The following VAMP3 variants were observed in gnomAD, a reference collection of about 807,000 sequenced individuals.
VAMP3 encodes vesicle-associated membrane protein 3.
VAMP3 carries 11 observed loss-of-function variants against 18.1 expected under a neutral mutation model. The observed-to-expected ratio is 0.61, with a 90% CI of 0.38 to 1.00. VAMP3 has a LOEUF of 1.00. Among genes scored for constraint, VAMP3 ranks in the 50% least tolerant of loss-of-function variants. The pLI, the probability that VAMP3 is intolerant of heterozygous loss-of-function variation, is 0.01. For missense variants in VAMP3, 122 were observed against 127.3 expected (o/e 0.96, Z 0.20); for synonymous variants, 49 against 43.1 (o/e 1.14, Z -0.53).
In VAMP3 at chr1:7,773,494, C is replaced by A; in HGVS notation, c.55C>A (p.Gln19Lys). ...TGSNRRLQQT[Q>K]NQVDEVVDIM... is the part of the protein sequence containing the mutation. ...CAGTAATCGAAGACTTCAGCAGACA[C>A]AAAATCAAGTAGATGAGGTATTGCT... Residue 19 changes from glutamine to lysine, a missense_variant, in exon 2 of 5, where the codon CAA (glutamine) becomes AAA (lysine). By Grantham distance (53) the Gln-to-Lys change is moderately conservative (BLOSUM62 1). Transcript: ENST00000054666. 1 of 1,613,960 alleles carries A rather than the reference C, an allele frequency of 6.2e-7. No homozygotes were observed. Among genetic ancestry groups the A allele is most frequent in the South Asian group, 1.1e-5 (1 of 91,066 alleles).
chr1:7,771,319 C>T lies in VAMP3; in HGVS notation c.-65C>T, dbSNP rs1460435188. ...CCGTCCCACCCATCTCCCTGGCCTCCGGTCCCAACTTCGCTTCTCTGCTGA... is the reference window on the plus strand; with the variant it reads ...CCGTCCCACCCATCTCCCTGGCCTCTGGTCCCAACTTCGCTTCTCTGCTGA... On this transcript the variant is annotated 5_prime_UTR_variant, in exon 1 of 5. Transcript: ENST00000054666. 7.6e-6 allele frequency: 12 copies of T among 1,586,022 alleles called. No homozygotes were observed. Among genetic ancestry groups the T allele is most frequent in the African/African-American group, 2.7e-5 (2 of 72,928 alleles).
intron 3 of VAMP3, 143 bp downstream of exon 3, chr1:7,777,461 C>A: frequency 9.2e-7 from 1 of 1,082,546 alleles, no homozygotes; most frequent in Non-Finnish European, 1.3e-6. Context: ...ACTGTGAATC[C>A]GAAACACTGA....
chr1:7,775,639 G>A (rs11121021), intron 2 of VAMP3, among the ~76,000 whole-genome samples: 50,910 of 152,138 alleles, frequency 0.33, 9,293 homozygotes, highest in South Asian at 0.42. Context: ...ATGAGCCACC[G>A]CACCTGGCCT....
At chr1:7,771,599 G>A (rs957846101) in intron 1 of VAMP3, among the ~76,000 whole-genome samples, 9 of 152,192 alleles carry the variant, frequency 5.9e-5, no homozygotes, top group Non-Finnish European at 1.2e-4. Context: ...CGCGGAAGGG[G>A]CAAGGGCGGG....
chr1:7,778,092 T>C, intron 3 of VAMP3, 26 bp from the exon 4 acceptor site: 1 of 1,612,722 alleles, frequency 6.2e-7, no homozygotes, highest in Non-Finnish European at 8.5e-7. Context: ...ATTTGAAATG[T>C]GATATGGACA....
At chr1:7,771,527 G>A (rs1014229521) in intron 1 of VAMP3, 142 bp downstream of exon 1, 27 of 1,124,620 alleles carry the variant, frequency 2.4e-5, no homozygotes, top group Non-Finnish European at 3.1e-5. Flanking sequence ...CTGGGGGTGG[G>A]CGGTGGCCCT....
In VAMP3 at chr1:7,780,997, A is replaced by G. The variant is rs1263813366; in HGVS notation, c.*1352A>G. The G allele has an allele frequency of 1.0e-4, 16 of 152,832 alleles. No homozygotes were observed. The highest frequency in any genetic ancestry group is 1.0e-3 in the Admixed American group (16 of 15,290). 9.5% of individuals were successfully genotyped at this position (152,832 alleles called of 1,614,324 possible). A position where few individuals can be genotyped will look rare whatever the true frequency, so the allele number is the denominator to read the frequency against. ...CAGGTATGAAAGAAAACAGGCAAGG[A>G]GGCACTGAGGGAGAAAGACACAGAC... On this transcript the variant is annotated 3_prime_UTR_variant, in exon 5 of 5. Coordinates refer to ENST00000054666, the MANE Select transcript of VAMP3 (RefSeq NM_004781.4).
rs371838673 is a variant in VAMP3, at chr1:7,773,434, T to C, written c.3-8T>C. The C allele has an allele frequency of 2.8e-5, 45 of 1,613,404 alleles. No individual in the cohort carries two copies. The highest frequency in any genetic ancestry group is 1.6e-4 in the Middle Eastern group (1 of 6,082). ...ATGTACTCATGCTCATGCCTTTACA[T>C]GTTCCAGGTCTACAGGTCCAACTGC... is the stretch of plus-strand genomic sequence containing the variant. On this transcript the variant is annotated splice_region_variant and splice_polypyrimidine_tract_variant and intron_variant, in intron 1 of 4. Coordinates refer to ENST00000054666, the MANE Select transcript of VAMP3 (RefSeq NM_004781.4).
rs1316868059 is a variant in VAMP3 at position 7,779,865 on chromosome 1, G to A, written c.*220G>A. 6.9e-6 allele frequency: 4 copies of A among 576,264 alleles called. No homozygotes were observed. The highest frequency in any genetic ancestry group is 2.2e-5 in the South Asian group (1 of 45,504). 35.7% of individuals were successfully genotyped at this position (576,264 alleles called of 1,614,324 possible). On this transcript the variant is annotated 3_prime_UTR_variant, in exon 5 of 5. Transcript: ENST00000054666. Reference sequence around the variant, plus strand: ...TTGCACAGTGCCTTTACAGATTTACGTATGGGCTGATGAAGAGGCCTTCTT... The same window carrying A: ...TTGCACAGTGCCTTTACAGATTTACATATGGGCTGATGAAGAGGCCTTCTT...
At chr1:7,778,542 AAAAG>A (rs1035829452) in intron 4 of VAMP3, among the ~76,000 whole-genome samples, 5 of 152,178 alleles carry the variant, frequency 3.3e-5, no homozygotes, top group South Asian at 2.1e-4. Flanking sequence ...TCAAAAAAAA[AAAAG>A]AAAGGTTCAT....
chr1:7,771,803 C>G (rs1241137364), intron 1 of VAMP3, among the ~76,000 whole-genome samples: 1 of 152,276 alleles, frequency 6.6e-6, no homozygotes, highest in Non-Finnish European at 1.5e-5. Flanking sequence ...TCCTGAGCCC[C>G]TGTGGGCCGA....
intron 1 of VAMP3, among the ~76,000 whole-genome samples, chr1:7,772,307 A>G (rs1444163011): frequency 1.3e-5 from 2 of 152,204 alleles, no homozygotes; most frequent in African/African-American, 4.8e-5. Context: ...CGGTGATGAG[A>G]TCTGTTGTAG....
chr1:7,776,839 C>T (rs1190312208), intron 2 of VAMP3: 1 of 178,568 alleles, frequency 5.6e-6, no homozygotes, highest in Non-Finnish European at 1.2e-5. Context: ...CGGAGTCTCA[C>T]TCTGTCACCC....
chr1:7,773,099 A>G (rs1001633188), intron 1 of VAMP3: 1 of 213,288 alleles, frequency 4.7e-6, no homozygotes, highest in African/African-American at 2.3e-5. Flanking sequence ...AGATCAGGAA[A>G]GTACTGAGTA....
chr1:7,780,664 A>G lies in VAMP3; in HGVS notation c.*1019A>G, dbSNP rs550099370. The G allele has an allele frequency of 1.3e-5, 2 of 152,490 alleles. No individual in the cohort carries two copies. The highest frequency in any genetic ancestry group is 2.1e-4 in the South Asian group (1 of 4,832). The allele number at this position is 152,490 out of a possible 1,614,324, so 9.4% of individuals were successfully genotyped here. ...CAATTCTGTAGCCTCAAGTAAGACCACCTGTGAACTTGATCATTATCTGGC... is the reference window on the plus strand; with the variant it reads ...CAATTCTGTAGCCTCAAGTAAGACCGCCTGTGAACTTGATCATTATCTGGC... On this transcript the variant is annotated 3_prime_UTR_variant, in exon 5 of 5. Coordinates refer to ENST00000054666, the MANE Select transcript of VAMP3 (RefSeq NM_004781.4).
chr1:7,777,788 C>G (rs967212801), intron 3 of VAMP3, among the ~76,000 whole-genome samples: 2 of 152,206 alleles, frequency 1.3e-5, no homozygotes, highest in African/African-American at 4.8e-5. Flanking sequence ...GCAATCAGAT[C>G]CAGATGTATC....
At chr1:7,776,309 C>G (rs968169426) in intron 2 of VAMP3, 10 of 152,122 alleles carry the variant, frequency 6.6e-5, no homozygotes, top group Non-Finnish European at 2.9e-5. Context: ...TCCTTAATTT[C>G]CTTTTCAGAT....
chr1:7,773,320 T>C (rs1245272255), intron 1 of VAMP3, 122 bp from the exon 2 acceptor site: 2 of 738,846 alleles, frequency 2.7e-6, no homozygotes, highest in East Asian at 5.6e-5. Context: ...GAATTTCTTT[T>C]TCTGTTTTAG....
chr1:7,773,761 CAT>C (rs1183116577), intron 2 of VAMP3, among the ~76,000 whole-genome samples: 3 of 152,312 alleles, frequency 2.0e-5, no homozygotes, highest in African/African-American at 7.2e-5. Context: ...AATAAAAAAT[CAT>C]ATGCCTAAAA....
Sources: gnomAD v4.1 joint callset for allele counts (sites outside exome capture counted in the v4.1 genomes callset) on GRCh38, gnomAD v4.1.1 for gene constraint, MANE v1.5 for transcripts, NCBI Gene and HGNC (gene_info 2026-07-23, HGNC 2026-07-21) for gene names.